Variants in ZNF782 observed in about 807,000 individuals in gnomAD.
ZNF782 encodes zinc finger protein 782.
Under a neutral mutation model 13.0 loss-of-function variants are expected in ZNF782, and 12 were observed. The observed-to-expected ratio is 0.92, with a 90% CI of 0.59 to 1.50. The LOEUF is 1.50. Among genes scored for constraint, ZNF782 ranks in the 40% most tolerant of loss-of-function variants. The probability of loss-of-function intolerance (pLI) is 0.00; values close to 1 mark genes in which losing one functional copy is unlikely to be tolerated. For missense variants in ZNF782, 770 were observed against 822.9 expected (o/e 0.94, Z 0.79); for synonymous variants, 284 against 283.0 (o/e 1.00, Z -0.04).
chr9:96,887,381 A>C, the ZNF782 span: 1 of 152,206 alleles, frequency 6.6e-6, no homozygotes, highest in African/African-American at 2.4e-5. Flanking sequence ...AGCAAATAAC[A>C]AAATGGCAGA....
In ZNF782 at chr9:96,854,303, TC is replaced by T. The variant is rs1387011921; in HGVS notation, c.-478del. The T allele has an allele frequency of 1.3e-5, 2 of 152,264 alleles. No homozygotes were observed. Among genetic ancestry groups the T allele is most frequent in the East Asian group, 3.9e-4 (2 of 5,170 alleles). 9.4% of individuals were successfully genotyped at this position (152,264 alleles called of 1,614,324 possible). A position where few individuals can be genotyped will look rare whatever the true frequency, so the allele number is the denominator to read the frequency against. ...CGGGAGCCAGCGGCCGAAGTCCCTC[TC>T]CAGCGGCCGGGAAGGCCGAGGGCCC... is the stretch of plus-strand genomic sequence containing the variant. On this transcript the variant is annotated 5_prime_UTR_variant, in exon 1 of 6. It introduces an in-frame stop codon into an upstream open reading frame of the 5' UTR. Coordinates refer to ENST00000481138, the MANE Select transcript of ZNF782 (RefSeq NM_001001662.3).
intron 4 of ZNF782, among the ~76,000 whole-genome samples, chr9:96,837,076 A>G (rs1851026333): frequency 6.6e-6 from 1 of 152,182 alleles, no homozygotes; most frequent in Non-Finnish European, 1.5e-5. Context: ...AACTGGACTG[A>G]GACACTCCCA....
At chr9:96,881,747 C>A in the ZNF782 span, among the ~76,000 whole-genome samples, 1 of 152,058 alleles carries the variant, frequency 6.6e-6, no homozygotes, top group Admixed American at 6.6e-5. Flanking sequence ...TTTTCTGTTT[C>A]TGGACTTCAT....
the ZNF782 span, among the ~76,000 whole-genome samples, chr9:96,920,267 CCTTTTTT>C: frequency 7.0e-6 from 1 of 143,212 alleles, no homozygotes; most frequent in Non-Finnish European, 1.6e-5. Context: ...TACACCAAAA[CCTTTTTT>C]TTTTTTTTTT....
At chr9:96,901,855 G>A in the ZNF782 span, among the ~76,000 whole-genome samples, 1 of 141,790 alleles carries the variant, frequency 7.1e-6, no homozygotes, top group African/African-American at 2.7e-5. Context: ...CCCCAGCCTG[G>A]GCAAACTCTG....
At chr9:96,863,297 A>G (rs1446000189) in intron 1 of ZNF782, among the ~76,000 whole-genome samples, 1 of 152,138 alleles carries the variant, frequency 6.6e-6, no homozygotes, top group Non-Finnish European at 1.5e-5. Flanking sequence ...ATGCAAACGA[A>G]AACCACAATG....
At chr9:96,824,099 C>A (rs955561484) in intron 5 of ZNF782, among the ~76,000 whole-genome samples, 5 of 151,376 alleles carry the variant, frequency 3.3e-5, no homozygotes, top group East Asian at 3.9e-4. Context: ...GAGACACAAC[C>A]AAAAAAGAGA....
At chr9:96,920,970 G>A in the ZNF782 span, among the ~76,000 whole-genome samples, 15 of 143,590 alleles carry the variant, frequency 1.0e-4, no homozygotes, top group East Asian at 2.3e-4. Context: ...ATAGTAATAC[G>A]ACCTCATCAT....
the ZNF782 span, among the ~76,000 whole-genome samples, chr9:96,885,837 C>A: frequency 1.3e-5 from 2 of 151,748 alleles, no homozygotes; most frequent in Admixed American, 6.6e-5. Flanking sequence ...CTTCCTCTTT[C>A]TTTCTTTCTT....
At chr9:96,826,048 G>C (rs1850607106) in intron 5 of ZNF782, among the ~76,000 whole-genome samples, 1 of 152,116 alleles carries the variant, frequency 6.6e-6, no homozygotes, top group South Asian at 2.1e-4. Context: ...CCCATTACTG[G>C]GTATATACCC....
At chr9:96,897,545 G>A in the ZNF782 span, among the ~76,000 whole-genome samples, 1 of 151,822 alleles carries the variant, frequency 6.6e-6, no homozygotes, top group Admixed American at 6.5e-5. Flanking sequence ...CACGTCTGCT[G>A]TGTATGCATT....
chr9:96,838,405 T>C (rs1851070994), intron 4 of ZNF782, among the ~76,000 whole-genome samples: 1 of 152,164 alleles, frequency 6.6e-6, no homozygotes, highest in African/African-American at 2.4e-5. Flanking sequence ...TTCAGGTCAT[T>C]TATATCCTCA....
At chr9:96,870,167 A>C (rs546638204) in intron 1 of ZNF782, among the ~76,000 whole-genome samples, 2 of 152,202 alleles carry the variant, frequency 1.3e-5, no homozygotes, top group Non-Finnish European at 2.9e-5. Flanking sequence ...GGGAGTCTGC[A>C]TGTGTGGCTT....
the ZNF782 span, among the ~76,000 whole-genome samples, chr9:96,923,547 AAT>A: frequency 7.5e-6 from 1 of 132,764 alleles, no homozygotes. Context: ...ACATTCCCCA[AAT>A]ATGTAAACCA....
At chr9:96,820,979 A>G (rs895391338) in intron 5 of ZNF782, among the ~76,000 whole-genome samples, 19 of 152,214 alleles carry the variant, frequency 1.2e-4, no homozygotes, top group African/African-American at 4.6e-4. Context: ...TAACATTGCT[A>G]GTTTTTATTG....
At chr9:96,877,328 C>T (rs1236608120), upstream of ZNF782, among the ~76,000 whole-genome samples, 1 of 152,244 alleles carries the variant, frequency 6.6e-6, no homozygotes, top group Non-Finnish European at 1.5e-5. Flanking sequence ...GGAACACCCC[C>T]AGATGCCGCT....
the ZNF782 span, among the ~76,000 whole-genome samples, chr9:96,915,970 G>C: frequency 2.7e-5 from 4 of 150,310 alleles, no homozygotes; most frequent in East Asian, 7.7e-4. Context: ...AAATGTAAGA[G>C]CTGGTCCCTT....
the ZNF782 span, among the ~76,000 whole-genome samples, chr9:96,932,885 T>C: frequency 1.8e-4 from 26 of 140,960 alleles, no homozygotes; most frequent in African/African-American, 6.2e-4. Flanking sequence ...CCGACCTCAG[T>C]TGATCTGCCC....
chr9:96,875,374 T>C, intron 1 of ZNF782: 1 of 427,420 alleles, frequency 2.3e-6, no homozygotes, highest in South Asian at 1.7e-5. Flanking sequence ...ATGATTTACC[T>C]AAGTTTCAAA....
Sources: allele counts gnomAD v4.1 joint callset (sites outside exome capture counted in the v4.1 genomes callset), GRCh38; gene constraint gnomAD v4.1.1; transcripts MANE v1.5; gene names NCBI Gene and HGNC (gene_info 2026-07-23, HGNC 2026-07-21).